The following SKAP2 variants were observed in gnomAD, a reference collection of about 807,000 sequenced individuals.
The protein encoded by SKAP2 is src kinase associated phosphoprotein 2.
SKAP2 carries 28 observed loss-of-function variants against 54.9 expected under a neutral mutation model. The ratio of observed to expected loss-of-function variants is 0.51; its 90% confidence interval spans 0.38 to 0.70. The LOEUF is 0.70. Among genes scored for constraint, SKAP2 ranks in the 30% least tolerant of loss-of-function variants. The pLI is 0.00. For synonymous variants in SKAP2, 137 were observed against 134.3 expected, an observed-to-expected ratio of 1.02 and a Z score of -0.14; for missense variants, 356 against 424.1, an observed-to-expected ratio of 0.84 and a Z score of 1.41.
At chr7:26,691,123 C>T (rs1333786586) in intron 9 of SKAP2, among the ~76,000 whole-genome samples, 4 of 152,072 alleles carry the variant, frequency 2.6e-5, no homozygotes, top group African/African-American at 4.8e-5. Context: ...GTGTGTCATT[C>T]GAACTTAAGT....
intron 4 of SKAP2, among the ~76,000 whole-genome samples, chr7:26,825,108 T>C (rs919344897): frequency 1.4e-4 from 22 of 152,154 alleles, no homozygotes; most frequent in African/African-American, 5.3e-4. Flanking sequence ...ACACTATAAA[T>C]CTTGCACCTA....
intron 4 of SKAP2, among the ~76,000 whole-genome samples, chr7:26,782,809 T>G (rs960146590): frequency 6.6e-5 from 10 of 152,204 alleles, no homozygotes; most frequent in African/African-American, 2.4e-4. Flanking sequence ...TCTTCCACCA[T>G]GTGAGGGCAC....
chr7:26,666,283 AAAC>A (rs1348024673), downstream of SKAP2, among the ~76,000 whole-genome samples: 2 of 152,184 alleles, frequency 1.3e-5, no homozygotes, highest in Non-Finnish European at 2.9e-5. Context: ...TCAAGCTCTT[AAAC>A]AACATGTATA....
chr7:26,673,614 G>C (rs1291983617), intron 11 of SKAP2, among the ~76,000 whole-genome samples: 1 of 152,016 alleles, frequency 6.6e-6, no homozygotes, highest in Non-Finnish European at 1.5e-5. Flanking sequence ...TCTGCAAAAT[G>C]GATGGCTTCA....
At chr7:26,771,819 G>T (rs1783196113) in intron 4 of SKAP2, among the ~76,000 whole-genome samples, 1 of 152,092 alleles carries the variant, frequency 6.6e-6, no homozygotes, top group African/African-American at 2.4e-5. Flanking sequence ...TTTTATGCAG[G>T]TTATTCTTTG....
chr7:26,810,575 A>G (rs1340843309), intron 4 of SKAP2, among the ~76,000 whole-genome samples: 4 of 152,218 alleles, frequency 2.6e-5, no homozygotes, highest in African/African-American at 7.2e-5. Context: ...CCACAAAAAT[A>G]TAAGTACATG....
rs1787134434 is a variant in SKAP2, at chr7:26,705,368, T to A, written c.797-15006A>T. ...TAATGGCAAGCCCAACCATAGTACT[T>A]AATTAAGGGATCATTCAATGTTTAT... On this transcript the variant is annotated intron_variant, in intron 9 of 12. Transcript: ENST00000345317. Among the ~76,000 whole-genome samples, 3 of 152,278 alleles carry A rather than the reference T, an allele frequency of 2.0e-5. No homozygotes were observed. The South Asian group carries it at 6.2e-4, about 32-fold the overall frequency.
At chr7:26,700,914 GAC>G (rs1261172000) in intron 9 of SKAP2, among the ~76,000 whole-genome samples, 1 of 152,164 alleles carries the variant, frequency 6.6e-6, no homozygotes, top group African/African-American at 2.4e-5. Context: ...TGTAATGTAT[GAC>G]AGTTTTACCT....
chr7:26,682,615 T>C (rs1472190055), intron 11 of SKAP2, among the ~76,000 whole-genome samples: 3 of 152,166 alleles, frequency 2.0e-5, no homozygotes, highest in Admixed American at 2.0e-4. Context: ...AGAAGGCCCT[T>C]AATAAATATG....
chr7:26,809,418 G>GAA (rs772320632), intron 4 of SKAP2, among the ~76,000 whole-genome samples: 2 of 122,984 alleles, frequency 1.6e-5, no homozygotes, highest in South Asian at 2.5e-4. Context: ...CGTTTCACAA[G>GAA]AAAAAAAAAA....
chr7:26,758,496 T>C (rs990017190), intron 4 of SKAP2, among the ~76,000 whole-genome samples: 2 of 152,188 alleles, frequency 1.3e-5, no homozygotes, highest in Admixed American at 6.5e-5. Flanking sequence ...TGGCTATTCT[T>C]CAAATAGTCC....
At chr7:26,747,727 C>CCTCCT (rs959469451) in intron 4 of SKAP2, among the ~76,000 whole-genome samples, 2 of 151,618 alleles carry the variant, frequency 1.3e-5, no homozygotes, top group Admixed American at 6.6e-5. Context: ...TCTCTTCCTT[C>CCTCCT]CTCCTCTCCT....
intron 11 of SKAP2, among the ~76,000 whole-genome samples, chr7:26,671,629 C>T (rs1458934900): frequency 9.9e-5 from 15 of 151,904 alleles, no homozygotes; most frequent in South Asian, 2.1e-4. Flanking sequence ...ACCACTCCTG[C>T]TATTGTTATT....
At chr7:26,861,554 T>C (rs1158724746) in intron 1 of SKAP2, among the ~76,000 whole-genome samples, 1 of 149,622 alleles carries the variant, frequency 6.7e-6, no homozygotes, top group African/African-American at 2.4e-5. Flanking sequence ...AAAATCAAAC[T>C]AGATAGCCAC....
intron 4 of SKAP2, among the ~76,000 whole-genome samples, chr7:26,814,764 A>G (rs886305918): frequency 6.6e-6 from 1 of 152,114 alleles, no homozygotes; most frequent in African/African-American, 2.4e-5. Context: ...AAACTTTCTA[A>G]AAGACGTTTA....
chr7:26,694,751 G>GT (rs1352558096), intron 9 of SKAP2, among the ~76,000 whole-genome samples: 12 of 151,736 alleles, frequency 7.9e-5, no homozygotes, highest in African/African-American at 2.7e-4. Context: ...ATGGCAAATA[G>GT]TTTGAGTCTT....
At chr7:26,800,110 C>A (rs1050079989) in intron 4 of SKAP2, among the ~76,000 whole-genome samples, 1 of 151,748 alleles carries the variant, frequency 6.6e-6, no homozygotes, top group African/African-American at 2.4e-5. Flanking sequence ...GGCGACAGAG[C>A]GAAACTCTGT....
intron 9 of SKAP2, among the ~76,000 whole-genome samples, chr7:26,710,029 C>T (rs1443082455): frequency 6.6e-6 from 1 of 152,132 alleles, no homozygotes; most frequent in Non-Finnish European, 1.5e-5. Context: ...GTTTGGTAAT[C>T]ATTCTTTTAG....
chr7:26,803,979 G>A (rs1783969160), intron 4 of SKAP2, among the ~76,000 whole-genome samples: 1 of 152,158 alleles, frequency 6.6e-6, no homozygotes, highest in Middle Eastern at 3.2e-3. Flanking sequence ...AGGAAGAGTA[G>A]TGGAGGATTG....
Sources: allele counts gnomAD v4.1 joint callset (sites outside exome capture counted in the v4.1 genomes callset), GRCh38; gene constraint gnomAD v4.1.1; transcripts MANE v1.5; gene names NCBI Gene and HGNC (gene_info 2026-07-23, HGNC 2026-07-21).